Variants in SCAMP2 observed in about 807,000 individuals in gnomAD.
The protein encoded by SCAMP2 is secretory carrier-associated membrane protein 2.
A neutral mutation model predicts 44.1 loss-of-function variants in SCAMP2; 25 were observed. The observed-to-expected ratio is 0.57, with a 90% CI of 0.41 to 0.79. SCAMP2 has a LOEUF of 0.79. Among genes scored for constraint, SCAMP2 ranks in the 30% least tolerant of loss-of-function variants. The pLI, the probability that SCAMP2 is intolerant of heterozygous loss-of-function variation, is 0.00. For synonymous variants in SCAMP2, 156 were observed against 166.0 expected (o/e 0.94, Z 0.46); for missense variants, 355 against 411.0 (o/e 0.86, Z 1.18).
At chr15:74,865,872 G>C (rs1347108916) in intron 1 of SCAMP2, among the ~76,000 whole-genome samples, 2 of 149,316 alleles carry the variant, frequency 1.3e-5, no homozygotes, top group Non-Finnish European at 3.0e-5. Flanking sequence ...GATTTCTGGA[G>C]CCTAGGAGAT....
chr15:74,845,600 A>C lies in SCAMP2; in HGVS notation c.735-7T>G, dbSNP rs1415997726. ...CAGGGCTGCAATCCAACCGCTATAA[A>C]GGGAAGAAGAGGCCAGAGGGAGCAA... On this transcript the variant is annotated splice_polypyrimidine_tract_variant and splice_region_variant and intron_variant, in intron 7 of 8. Coordinates refer to ENST00000268099, the MANE Select transcript of SCAMP2 (RefSeq NM_005697.5). The C allele has an allele frequency of 3.1e-6, 5 of 1,613,616 alleles. No individual in the cohort carries two copies. In the African/African-American group the frequency reaches 6.7e-5, roughly 22 times the overall value.
chr15:74,868,323 C>G (rs1414698399), intron 1 of SCAMP2, among the ~76,000 whole-genome samples: 1 of 152,210 alleles, frequency 6.6e-6, no homozygotes, highest in Non-Finnish European at 1.5e-5. Context: ...AGCACATGCC[C>G]ACAGTGCGGG....
rs917391053 is a variant in SCAMP2 at position 74,858,806 on chromosome 15, C to CTTTT, written c.58-4161_58-4158dup. Among the ~76,000 whole-genome samples, 138 of 91,242 alleles carry CTTTT rather than the reference C, an allele frequency of 1.5e-3. 5 individuals carry two copies. Among genetic ancestry groups the CTTTT allele is most frequent in the African/African-American group, 4.7e-3 (105 of 22,508 alleles). The allele number at this position is 91,242 out of a possible 152,430, so 59.9% of individuals were successfully genotyped here. The stretch of plus-strand genomic sequence containing the variant: ...CCTTCTTTCCTTCAAAGAGCTGGTT[C>CTTTT]TTTTTTTTTTTTTTTTTTTTTTTTG... On this transcript the variant is annotated intron_variant, in intron 1 of 8. Coordinates refer to ENST00000268099, the MANE Select transcript of SCAMP2 (RefSeq NM_005697.5).
At chr15:74,845,673 G>A in intron 7 of SCAMP2, 80 bp from the exon 8 acceptor site, 1 of 1,552,254 alleles carries the variant, frequency 6.4e-7, no homozygotes, top group Non-Finnish European at 8.8e-7. Context: ...TTCTCCAAGT[G>A]GCTGCTGTGT....
intron 1 of SCAMP2, among the ~76,000 whole-genome samples, chr15:74,864,942 C>T (rs2141180741): frequency 6.6e-6 from 1 of 150,640 alleles, no homozygotes; most frequent in South Asian, 2.1e-4. Context: ...CAAAAATTAG[C>T]CGGGCGTGGT....
intron 1 of SCAMP2, among the ~76,000 whole-genome samples, chr15:74,865,218 T>C (rs1190581689): frequency 6.6e-6 from 1 of 150,682 alleles, no homozygotes; most frequent in Non-Finnish European, 1.5e-5. Context: ...CCATCTCTAC[T>C]GAAAATACAA....
At chr15:74,872,074 A>G (rs139221383) in intron 1 of SCAMP2, among the ~76,000 whole-genome samples, 3 of 151,576 alleles carry the variant, frequency 2.0e-5, no homozygotes, top group Non-Finnish European at 1.5e-5. Flanking sequence ...ACAAAAAAAA[A>G]GGAAAAGAAA....
chr15:74,845,603 G>C lies in SCAMP2; in HGVS notation c.735-10C>G. On this transcript the variant is annotated splice_polypyrimidine_tract_variant and intron_variant, in intron 7 of 8. Transcript: ENST00000268099. Reference sequence around the variant, plus strand: ...GGCTGCAATCCAACCGCTATAAAGGGAAGAAGAGGCCAGAGGGAGCAAAGT... The same window carrying C: ...GGCTGCAATCCAACCGCTATAAAGGCAAGAAGAGGCCAGAGGGAGCAAAGT... 3 of 1,613,688 alleles carry C rather than the reference G, an allele frequency of 1.9e-6. No homozygotes were observed. Among genetic ancestry groups the C allele is most frequent in the Non-Finnish European group, 2.5e-6 (3 of 1,179,776 alleles).
intron 1 of SCAMP2, among the ~76,000 whole-genome samples, chr15:74,865,991 G>T: frequency 1.2e-5 from 1 of 80,480 alleles, no homozygotes; most frequent in South Asian, 6.5e-4. Flanking sequence ...AGGAAGGAAG[G>T]AAGGAAGGAA....
rs1359805356 is a variant in SCAMP2, at chr15:74,844,771, T to G, written c.*312A>C. ...GCCCAGGTCAGCCTGTGATCCCAACTGTGTGGGGGTGTCTGTGTGTGCACA... is the reference window on the plus strand; with the variant it reads ...GCCCAGGTCAGCCTGTGATCCCAACGGTGTGGGGGTGTCTGTGTGTGCACA... On this transcript the variant is annotated 3_prime_UTR_variant, in exon 9 of 9. Transcript: ENST00000268099. The G allele has an allele frequency of 4.1e-6, 1 of 243,642 alleles. No individual in the cohort carries two copies. Among genetic ancestry groups the G allele is most frequent in the Non-Finnish European group, 8.1e-6 (1 of 124,018 alleles). 15.1% of individuals were successfully genotyped at this position (243,642 alleles called of 1,614,324 possible).
intron 3 of SCAMP2, chr15:74,853,190 A>C: frequency 5.9e-6 from 2 of 337,240 alleles, no homozygotes; most frequent in South Asian, 4.3e-5. Context: ...ACCTCCTCCA[A>C]GTCTGTGACG....
intron 7 of SCAMP2, 56 bp from the exon 8 acceptor site, chr15:74,845,649 A>T: frequency 6.2e-7 from 1 of 1,604,680 alleles, no homozygotes; most frequent in Non-Finnish European, 8.5e-7. Flanking sequence ...TCCAAAAGTC[A>T]GCATAAGGGG....
intron 6 of SCAMP2, 28 bp downstream of exon 6, chr15:74,850,483 AAGT>A: frequency 6.2e-7 from 1 of 1,608,060 alleles, no homozygotes; most frequent in South Asian, 1.1e-5. Flanking sequence ...GCCAGCCATA[AAGT>A]CTCACCCCTT....
At chr15:74,862,290 T>A (rs66560526) in intron 1 of SCAMP2, among the ~76,000 whole-genome samples, 70,458 of 73,814 alleles carry the variant, frequency 0.95, 33,637 homozygotes, top group Middle Eastern at 0.99. Context: ...AAAAAAAAAA[T>A]TCCTGGCCAG....
chr15:74,853,080 C>T (rs945005560), intron 3 of SCAMP2: 3 of 272,010 alleles, frequency 1.1e-5, no homozygotes, highest in Non-Finnish European at 1.5e-5. Flanking sequence ...TCTCCAAAAG[C>T]TCTTCAAAGA....
chr15:74,848,576 C>T (rs1298145913), intron 7 of SCAMP2, 24 bp downstream of exon 7: 4 of 1,457,142 alleles, frequency 2.7e-6, no homozygotes, highest in Non-Finnish European at 3.9e-6. Context: ...AAGCCTAATT[C>T]CCTCTGTGAT....
intron 7 of SCAMP2, among the ~76,000 whole-genome samples, chr15:74,846,720 G>A (rs576851718): frequency 3.9e-5 from 6 of 152,210 alleles, no homozygotes; most frequent in South Asian, 4.2e-4. Flanking sequence ...AGCAGAGATC[G>A]CGGCACTGCA....
In SCAMP2 at chr15:74,844,353, T is replaced by C. The variant is rs12487; in HGVS notation, c.*730A>G. On this transcript the variant is annotated 3_prime_UTR_variant, in exon 9 of 9. Transcript: ENST00000268099. ...AGTCCCCAAATCCCAACCAACGGCATTGTACATTCAGAAAGTCTGAAGAGA... is the reference window on the plus strand; with the variant it reads ...AGTCCCCAAATCCCAACCAACGGCACTGTACATTCAGAAAGTCTGAAGAGA... 53,847 of 152,092 alleles carry C rather than the reference T, an allele frequency of 0.35. 12,636 individuals are homozygous for C. The highest frequency in any genetic ancestry group is 0.54 in the Non-Finnish European group (36,876 of 68,020). 9.4% of individuals were successfully genotyped at this position (152,092 alleles called of 1,614,324 possible).
At position 74,873,266 on chromosome 15, in the gene SCAMP2, G is replaced by T. The variant is rs1244815434; in HGVS notation, c.-11C>A. 6.8e-7 allele frequency: 1 copy of T among 1,478,940 alleles called. No homozygotes were observed. Among genetic ancestry groups the T allele is most frequent in the Non-Finnish European group, 8.9e-7 (1 of 1,118,984 alleles). The allele number at this position is 1,478,940 out of a possible 1,614,324, so 91.6% of individuals were successfully genotyped here. A position where few individuals can be genotyped will look rare whatever the true frequency, so the allele number is the denominator to read the frequency against. ...GTCGAAAGCCGACATGGTGATCGGG[G>T]GCCAGCGGGCGAACTCCGCGAACGC... On this transcript the variant is annotated 5_prime_UTR_variant, in exon 1 of 9. Transcript: ENST00000268099.
Sources: allele counts gnomAD v4.1 joint callset (sites outside exome capture counted in the v4.1 genomes callset), GRCh38; gene constraint gnomAD v4.1.1; transcripts MANE v1.5; gene names NCBI Gene and HGNC (gene_info 2026-07-23, HGNC 2026-07-21).